The following LDB3 variants were observed in gnomAD, a reference collection of about 807,000 sequenced individuals.
LDB3 encodes LIM domain binding 3.
A neutral mutation model predicts 69.0 loss-of-function variants in LDB3; 49 were observed. That is an observed-to-expected ratio of 0.71 (90% CI 0.56 to 0.90). LDB3 has a LOEUF of 0.90. Among genes scored for constraint, LDB3 ranks in the 40% least tolerant of loss-of-function variants. LDB3 has a pLI of 0.00. For synonymous variants in LDB3, 387 were observed against 396.2 expected, an observed-to-expected ratio of 0.98 and a Z score of 0.28; for missense variants, 928 against 974.1, an observed-to-expected ratio of 0.95 and a Z score of 0.63.
chr10:86,732,782 G>T, intron 13 of LDB3, 105 bp from the exon 14 acceptor site: 1 of 848,292 alleles, frequency 1.2e-6, no homozygotes, highest in South Asian at 1.5e-5. Context: ...GGGATTACAG[G>T]ACTGAGCCAC....
intron 5 of LDB3, chr10:86,685,840 C>CCA: frequency 2.0e-6 from 2 of 994,508 alleles, no homozygotes; most frequent in Non-Finnish European, 3.2e-6. Context: ...CACTTGTACC[C>CCA]CTGGGTGAGC....
intron 2 of LDB3, among the ~76,000 whole-genome samples, chr10:86,669,278 GGACTGAGTACTGGGCA>G (rs113165687): frequency 0.28 from 43,028 of 152,066 alleles, 6,386 homozygotes; most frequent in South Asian, 0.42. Context: ...GGGCTGGGCT[GGACTGAGTACTGGGCA>G]CCTGCTCCAT....
At chr10:86,695,419 C>G (rs1324655138) in intron 7 of LDB3, among the ~76,000 whole-genome samples, 2 of 152,222 alleles carry the variant, frequency 1.3e-5, no homozygotes, top group African/African-American at 4.8e-5. Flanking sequence ...ATCTGAGGCT[C>G]CAGTGCCAAC....
rs150701341 is a variant in LDB3 at position 86,698,947 on chromosome 10, C to A, written c.896+6376C>A. Reference sequence around the variant, plus strand: ...CCTCACTACATGGACCAGGGAGGCCCTCTTTGCTCAGTCTGCCCTCAGGGC... The same window carrying A: ...CCTCACTACATGGACCAGGGAGGCCATCTTTGCTCAGTCTGCCCTCAGGGC... On this transcript the variant is annotated intron_variant, in intron 7 of 13. Transcript: ENST00000361373. Among the ~76,000 whole-genome samples the A allele has an allele frequency of 3.3e-5, 5 of 152,236 alleles. No individual in the cohort carries two copies. The East Asian group carries it at 9.7e-4, about 30-fold the overall frequency.
chr10:86,677,666 T>C (rs1271511099), intron 2 of LDB3, among the ~76,000 whole-genome samples: 3 of 152,098 alleles, frequency 2.0e-5, no homozygotes, highest in Non-Finnish European at 4.4e-5. Context: ...GACTGTAACA[T>C]TCTGTGGTAT....
chr10:86,669,624 C>G (rs929181977), intron 2 of LDB3, among the ~76,000 whole-genome samples: 3 of 152,216 alleles, frequency 2.0e-5, no homozygotes, highest in Admixed American at 1.3e-4. Flanking sequence ...AGTAGGCACT[C>G]CGTCAGTTTC....
Position 86,673,362 on chromosome 10 carries a change from G to A in LDB3, c.93+4578G>A, listed in dbSNP as rs185852069. Among the ~76,000 whole-genome samples, 585 of 152,340 alleles carry A rather than the reference G, an allele frequency of 3.8e-3. 1 individual carries two copies. The highest frequency in any genetic ancestry group is 5.7e-3 in the Non-Finnish European group (390 of 68,044). On this transcript the variant is annotated intron_variant, in intron 2 of 13. Transcript: ENST00000361373. ...TGGAATAATGGGGCCAAAGGCAGAC[G>A]GCTGTGTGTGAGCAGGTGGGAGGCA...
intron 2 of LDB3, among the ~76,000 whole-genome samples, chr10:86,669,749 G>A (rs955657033): frequency 6.6e-6 from 1 of 152,252 alleles, no homozygotes; most frequent in Non-Finnish European, 1.5e-5. Flanking sequence ...TGGTGGCTGA[G>A]CCCCTGACCG....
At chr10:86,694,432 C>T (rs1182261459) in intron 7 of LDB3, among the ~76,000 whole-genome samples, 1 of 152,122 alleles carries the variant, frequency 6.6e-6, no homozygotes, top group Non-Finnish European at 1.5e-5. Flanking sequence ...CTAGGGAAAT[C>T]TGGGGAAGAG....
chr10:86,692,592 T>C lies in LDB3; in HGVS notation c.896+21T>C, dbSNP rs1845818542. 2.5e-6 allele frequency: 4 copies of C among 1,611,748 alleles called. No individual in the cohort carries two copies. The African/African-American group carries it at 5.3e-5, about 22-fold the overall frequency. ...TCAAGGTAAGTGCCTGGACTCAGGC[T>C]CTGTGGCCTTGCCCTCTAGCCCCGT... On this transcript the variant is annotated intron_variant, in intron 7 of 13. Transcript: ENST00000361373.
At chr10:86,695,417 C>T (rs1271755910) in intron 7 of LDB3, among the ~76,000 whole-genome samples, 1 of 152,214 alleles carries the variant, frequency 6.6e-6, no homozygotes, top group Non-Finnish European at 1.5e-5. Flanking sequence ...CCATCTGAGG[C>T]TCCAGTGCCA....
intron 7 of LDB3, among the ~76,000 whole-genome samples, chr10:86,701,613 G>T (rs892012644): frequency 6.6e-6 from 1 of 152,246 alleles, no homozygotes; most frequent in Non-Finnish European, 1.5e-5. Flanking sequence ...CCAATGCAAG[G>T]TTGATCATGT....
In LDB3 at chr10:86,732,985, G is replaced by A. The variant is rs1345763804; in HGVS notation, c.*9G>A. The stretch of plus-strand genomic sequence containing the variant: ...ACACCATCAACTTGTAGGCGGCCAA[G>A]GCCGCCTGTGCTGACGAGGCCCGGA... On this transcript the variant is annotated 3_prime_UTR_variant, in exon 14 of 14. Transcript: ENST00000361373. The A allele has an allele frequency of 3.7e-6, 6 of 1,607,492 alleles. No homozygotes were observed. The Admixed American group carries it at 1.0e-4, about 27-fold the overall frequency.
Position 86,681,760 on chromosome 10 carries a change from A to T in LDB3, c.646A>T (p.Met216Leu), listed in dbSNP as rs765199175. The change falls in exon 5 of 14, where the codon ATG becomes TTG. Residue 216 changes from methionine (M) to leucine (L), a missense_variant. Met to Leu is a conservative substitution (Grantham distance 15). Coordinates refer to ENST00000361373, the MANE Select transcript of LDB3 (RefSeq NM_007078.3). ...GAGGGAGATGGCTCAGATGTACCAG[A>T]TGAGCCTCCGAGGGAAGGCCTCGGG... Reference protein sequence around the residue: ...TLREMAQMYQMSLRGKASGVG... With the variant: ...TLREMAQMYQLSLRGKASGVG... The T allele has an allele frequency of 2.4e-5, 39 of 1,602,734 alleles. No individual in the cohort carries two copies. Among genetic ancestry groups the T allele is most frequent in the Admixed American group, 1.7e-4 (10 of 58,830 alleles).
At chr10:86,675,040 G>T (rs1426988391) in intron 2 of LDB3, among the ~76,000 whole-genome samples, 1 of 152,180 alleles carries the variant, frequency 6.6e-6, no homozygotes, top group Non-Finnish European at 1.5e-5. Flanking sequence ...GCAGCCAAAG[G>T]CCAGGCCAGC....
chr10:86,704,535 G>A (rs887532009), intron 7 of LDB3, among the ~76,000 whole-genome samples: 14 of 149,718 alleles, frequency 9.4e-5, no homozygotes, highest in South Asian at 4.2e-4. Flanking sequence ...TCAGCCCCCC[G>A]AGTAGCTGGG....
At chr10:86,689,240 G>C (rs1845647158) in intron 5 of LDB3, among the ~76,000 whole-genome samples, 1 of 152,074 alleles carries the variant, frequency 6.6e-6, no homozygotes. Context: ...CTCACGGCTG[G>C]GTTTTCCTCT....
chr10:86,698,065 C>A (rs1846086931), intron 7 of LDB3, among the ~76,000 whole-genome samples: 1 of 152,138 alleles, frequency 6.6e-6, no homozygotes, highest in Admixed American at 6.5e-5. Context: ...CTTTTTATAG[C>A]CATACCCACT....
intron 7 of LDB3, among the ~76,000 whole-genome samples, chr10:86,702,772 G>A (rs752622588): frequency 1.4e-4 from 21 of 152,226 alleles, no homozygotes; most frequent in East Asian, 3.9e-4. Context: ...GGCAGGAACT[G>A]ACCTGGAATA....
Sources: allele counts gnomAD v4.1 joint callset (sites outside exome capture counted in the v4.1 genomes callset), GRCh38; gene constraint gnomAD v4.1.1; transcripts MANE v1.5; gene names NCBI Gene and HGNC (gene_info 2026-07-23, HGNC 2026-07-21).